RCC1L: variants seen among roughly 807,000 people sequenced by gnomAD.
The protein encoded by RCC1L is RCC1 like.
A neutral mutation model predicts 58.6 loss-of-function variants in RCC1L; 46 were observed. That is an observed-to-expected ratio of 0.79 (90% CI 0.62 to 1.00). The LOEUF is 1.00. RCC1L is among the 50% of genes least tolerant of loss of function. RCC1L has a pLI of 0.00. For synonymous variants in RCC1L, 281 were observed against 262.9 expected, an observed-to-expected ratio of 1.07 and a Z score of -0.67; for missense variants, 636 against 623.6, an observed-to-expected ratio of 1.02 and a Z score of -0.21.
intron 6 of RCC1L, among the ~76,000 whole-genome samples, chr7:75,059,875 C>T (rs1255716521): frequency 6.6e-6 from 1 of 152,212 alleles, no homozygotes; most frequent in Non-Finnish European, 1.5e-5. Context: ...ATTCTCCCGC[C>T]TCAGCCTCCT....
At chr7:75,039,917 G>A (rs1805514703), downstream of RCC1L, among the ~76,000 whole-genome samples, 1 of 152,174 alleles carries the variant, frequency 6.6e-6, no homozygotes, top group Non-Finnish European at 1.5e-5. Context: ...ATGGACGTGT[G>A]TGTCAAATGC....
intron 2 of RCC1L, among the ~76,000 whole-genome samples, chr7:75,070,369 G>C (rs914393091): frequency 3.9e-5 from 6 of 152,110 alleles, no homozygotes; most frequent in African/African-American, 1.4e-4. Context: ...TCAGGAGTTC[G>C]AGACCAGCCT....
intron 8 of RCC1L, among the ~76,000 whole-genome samples, chr7:75,056,996 T>C (rs895889374): frequency 1.6e-4 from 25 of 152,104 alleles, no homozygotes; most frequent in Non-Finnish European, 2.8e-4. Flanking sequence ...TTTTTCTTTT[T>C]CTATTGAGAC....
intron 8 of RCC1L, chr7:75,056,412 A>G (rs1409548736): frequency 2.8e-6 from 3 of 1,056,046 alleles, no homozygotes; most frequent in Non-Finnish European, 3.9e-6. Context: ...GAATTGGAGG[A>G]TGTTTTCTCC....
Position 75,056,047 on chromosome 7 carries a change from T to C in RCC1L, c.1085A>G (p.Tyr362Cys), listed in dbSNP as rs976001165. The change falls in exon 9 of 11, where the codon TAT becomes TGT. Residue 362 changes from tyrosine to cysteine, a missense_variant. Tyr to Cys is a radical substitution (Grantham distance 194). Coordinates refer to ENST00000610322, the MANE Select transcript of RCC1L (RefSeq NM_030798.5). Reference sequence around the variant, plus strand: ...GTTTGGACCTTTCCCAAGAATTCCATAGCCCCAGACAAAAACATGTCCTTC... The same window carrying C: ...GTTTGGACCTTTCCCAAGAATTCCACAGCCCCAGACAAAAACATGTCCTTC... ...NGEGHVFVWG[Y>C]GILGKGPNLV... The C allele has an allele frequency of 1.9e-6, 3 of 1,613,812 alleles. No homozygotes were observed. The highest frequency in any genetic ancestry group is 2.2e-5 in the East Asian group (1 of 44,890).
intron 10 of RCC1L, among the ~76,000 whole-genome samples, chr7:75,044,062 G>A (rs1002683823): frequency 2.0e-5 from 3 of 152,154 alleles, no homozygotes; most frequent in African/African-American, 7.2e-5. Context: ...AGCTTCAAGG[G>A]AGCAAGAAGA....
chr7:75,067,643 T>A (rs998015309), intron 2 of RCC1L, among the ~76,000 whole-genome samples: 30 of 150,472 alleles, frequency 2.0e-4, no homozygotes, highest in Non-Finnish European at 1.2e-4. Flanking sequence ...AAAAAAAAAA[T>A]ACAAAAATAC....
chr7:75,046,385 C>T (rs1025431436), intron 10 of RCC1L, among the ~76,000 whole-genome samples: 3 of 152,190 alleles, frequency 2.0e-5, no homozygotes, highest in Non-Finnish European at 4.4e-5. Flanking sequence ...TTACCTTTCC[C>T]GGGACAGTGC....
At chr7:75,057,392 C>T (rs1806114485) in intron 8 of RCC1L, 137 bp downstream of exon 8, 2 of 798,196 alleles carry the variant, frequency 2.5e-6, no homozygotes, top group Admixed American at 2.1e-5. Context: ...GCTGGGATTA[C>T]AGATGTGAGC....
chr7:75,055,769 T>C, intron 9 of RCC1L, 132 bp downstream of exon 9: 2 of 1,034,494 alleles, frequency 1.9e-6, no homozygotes, highest in Non-Finnish European at 3.0e-6. Context: ...TAGCCCTTGC[T>C]TGAGTTATCA....
chr7:75,051,647 G>A (rs1429340831), intron 10 of RCC1L, among the ~76,000 whole-genome samples: 1 of 152,132 alleles, frequency 6.6e-6, no homozygotes, highest in Non-Finnish European at 1.5e-5. Context: ...TCCTGACCTT[G>A]TGATCCACCC....
intron 1 of RCC1L, 110 bp from the exon 2 acceptor site, chr7:75,070,879 TTTG>T: frequency 7.1e-7 from 1 of 1,399,982 alleles, no homozygotes; most frequent in South Asian, 1.3e-5. Context: ...TTACGGGGGT[TTTG>T]TTTTTGTTTT....
intron 10 of RCC1L, among the ~76,000 whole-genome samples, chr7:75,035,616 T>A (rs922259194): frequency 1.6e-4 from 25 of 152,228 alleles, no homozygotes; most frequent in Non-Finnish European, 3.4e-4. Context: ...TATACATGAA[T>A]GTTTTGACAT....
chr7:75,062,862 T>C (rs1806320229), intron 5 of RCC1L, among the ~76,000 whole-genome samples: 1 of 152,002 alleles, frequency 6.6e-6, no homozygotes, highest in South Asian at 2.1e-4. Flanking sequence ...AGTGGTGCAA[T>C]CTCTCAGCTC....
Position 75,052,761 on chromosome 7 carries a change from G to A in RCC1L, c.1267C>T (p.Arg423Ter), listed in dbSNP as rs1211412520. The change falls in exon 10 of 11, where the codon CGA becomes TGA. Residue 423 changes from arginine (R) to a stop codon, truncating the protein, a stop_gained. Coordinates refer to ENST00000610322, the MANE Select transcript of RCC1L (RefSeq NM_030798.5). LOFTEE classifies it high-confidence loss of function. ...AGGCGACCGATTCCCAGGCACCCTC[G>A]GATGTTCTTGCCCCATACAAACAGC... ...GELFVWGKNI[R>*]GCLGIGRLED... is the part of the protein sequence containing the mutation. 7.4e-6 allele frequency: 12 copies of A among 1,613,202 alleles called. No homozygotes were observed. The highest frequency in any genetic ancestry group is 5.5e-5 in the South Asian group (5 of 90,824).
chr7:75,035,943 C>T (rs1410448556), intron 10 of RCC1L, among the ~76,000 whole-genome samples: 3 of 151,674 alleles, frequency 2.0e-5, no homozygotes, highest in Non-Finnish European at 2.9e-5. Flanking sequence ...AGTTCAAGGC[C>T]GCAAGGAGCT....
At chr7:75,041,646 G>A (rs1303506264), downstream of RCC1L, among the ~76,000 whole-genome samples, 1 of 151,952 alleles carries the variant, frequency 6.6e-6, no homozygotes, top group African/African-American at 2.4e-5. Context: ...ATCGTCTGAG[G>A]TCAGGAGTTC....
At chr7:75,038,858 C>T (rs940781819), downstream of RCC1L, among the ~76,000 whole-genome samples, 2,850 of 152,312 alleles carry the variant, frequency 0.019, 95 homozygotes, top group African/African-American at 0.063. Flanking sequence ...AGATGACATC[C>T]TCCTGCCTCC....
downstream of RCC1L, among the ~76,000 whole-genome samples, chr7:75,037,442 G>T (rs1207280068): frequency 6.6e-6 from 1 of 151,884 alleles, no homozygotes; most frequent in Non-Finnish European, 1.5e-5. Flanking sequence ...GTCCGCCTCG[G>T]CCTCCCAAAG....
Sources: gnomAD v4.1 joint callset for allele counts (sites outside exome capture counted in the v4.1 genomes callset) on GRCh38, gnomAD v4.1.1 for gene constraint, MANE v1.5 for transcripts, NCBI Gene and HGNC (gene_info 2026-07-23, HGNC 2026-07-21) for gene names.